DUSP8: variants seen among roughly 807,000 people sequenced by gnomAD.
The protein encoded by DUSP8 is dual specificity protein phosphatase 8.
A neutral mutation model predicts 38.7 loss-of-function variants in DUSP8; 15 were observed. That is an observed-to-expected ratio of 0.39 (90% confidence interval 0.26 to 0.60). The LOEUF (loss-of-function observed/expected upper bound fraction) is 0.60, where lower values mean the gene tolerates loss of function less well. DUSP8 is among the 20% of genes least tolerant of loss of function. The pLI, the probability that DUSP8 is intolerant of heterozygous loss-of-function variation, is 0.56. For missense variants in DUSP8, 768 were observed against 915.0 expected, an observed-to-expected ratio of 0.84 and a Z score of 2.07; for synonymous variants, 458 against 433.9, an observed-to-expected ratio of 1.06 and a Z score of -0.69.
At chr11:1,559,432 G>T in intron 3 of DUSP8, 1 of 270,302 alleles carries the variant, frequency 3.7e-6, no homozygotes, top group Non-Finnish European at 7.0e-6. Context: ...CTGAGGGTGT[G>T]TGTCACACAG....
chr11:1,558,999 C>A lies in DUSP8; in HGVS notation c.427G>T (p.Ala143Ser). The A allele has an allele frequency of 1.9e-6, 3 of 1,610,782 alleles. No homozygotes were observed. The highest frequency in any genetic ancestry group is 2.5e-6 in the Non-Finnish European group (3 of 1,179,364). ...TGGGAGAGGCTCATGGGTAGCAGGGCAGCAGGCTTGCCCTCGCAGAGGCCG... is the reference window on the plus strand; with the variant it reads ...TGGGAGAGGCTCATGGGTAGCAGGGAAGCAGGCTTGCCCTCGCAGAGGCCG... ...FPGLCEGKPA[A>S]LLPMSLSQPC... Residue 143 changes from alanine to serine, a missense_variant, in exon 4 of 7, where the codon GCC becomes TCC. Transcript: ENST00000397374. This position sits in a 1 kb window ranked among gnomAD's most constrained non-coding sequence, Gnocchi z 6.3.
chr11:1,569,162 G>A (rs536989408), intron 1 of DUSP8, among the ~76,000 whole-genome samples: 1 of 152,144 alleles, frequency 6.6e-6, no homozygotes, highest in Admixed American at 6.5e-5. Context: ...CTAGGGGTTG[G>A]GGGGTGAGAG....
rs1435220613 is a variant in DUSP8, at chr11:1,558,320, C to T, written c.538-49G>A. The T allele has an allele frequency of 3.9e-5, 12 of 307,026 alleles. No homozygotes were observed. The highest frequency in any genetic ancestry group is 9.2e-5 in the East Asian group (1 of 10,902). 19.0% of individuals were successfully genotyped at this position (307,026 alleles called of 1,614,324 possible). Reference sequence around the variant, plus strand: ...GGAAAGGGGTGGGAGAAGCTCGGGGCGGGAGTGAAGGTGGAGGCTTTTCCT... The same window carrying T: ...GGAAAGGGGTGGGAGAAGCTCGGGGTGGGAGTGAAGGTGGAGGCTTTTCCT... On this transcript the variant is annotated intron_variant, in intron 4 of 6. Transcript: ENST00000397374. The surrounding 1 kb of genome is among the most constrained non-coding windows in gnomAD (Gnocchi z 6.3).
chr11:1,559,248 T>G (rs1848682753), intron 3 of DUSP8, 193 bp from the exon 4 acceptor site: 1 of 546,556 alleles, frequency 1.8e-6, no homozygotes, highest in Non-Finnish European at 3.1e-6. Flanking sequence ...GAGGGGGTAC[T>G]GCCACACATT....
At position 1,557,993 on chromosome 11, in the gene DUSP8, A is replaced by C. The variant is rs1590801174; in HGVS notation, c.698-76T>G. The stretch of plus-strand genomic sequence containing the variant: ...CTCCCTGGCCCAGGTAGGGGACCCC[A>C]CCCGCCCAACTGCCAACAGTTCCGG... On this transcript the variant is annotated intron_variant, in intron 5 of 6. Coordinates refer to ENST00000397374, the MANE Select transcript of DUSP8 (RefSeq NM_004420.3). The surrounding 1 kb of genome is among the most constrained non-coding windows in gnomAD (Gnocchi z 9.9). 2 of 1,610,178 alleles carry C rather than the reference A, an allele frequency of 1.2e-6. No homozygotes were observed. Among genetic ancestry groups the C allele is most frequent in the Middle Eastern group, 3.5e-4 (2 of 5,726 alleles).
chr11:1,567,406 G>A (rs987263225), intron 1 of DUSP8, among the ~76,000 whole-genome samples: 4 of 152,220 alleles, frequency 2.6e-5, no homozygotes, highest in Non-Finnish European at 2.9e-5. Context: ...CCAGGCCGGC[G>A]GGGGCCAGTG....
At position 1,557,116 on chromosome 11, in the gene DUSP8, C is replaced by T; in HGVS notation, c.1280G>A (p.Ser427Asn). 1 of 1,388,068 alleles carries T rather than the reference C, an allele frequency of 7.2e-7. No homozygotes were observed. 86.0% of individuals were successfully genotyped at this position (1,388,068 alleles called of 1,614,324 possible). ...CAGGCCCAGCGCGGCCCCCGACGGG[C>T]TGTCCAGCTTGCAGAGCTTCGGGGC... The part of the protein sequence containing the change: ...GEAPKLCKLD[S>N]PSGAALGLSS... Residue 427 changes from serine (S) to asparagine (N), a missense_variant, in exon 7 of 7, where the codon AGC becomes AAC. Coordinates refer to ENST00000397374, the MANE Select transcript of DUSP8 (RefSeq NM_004420.3). This position sits in a 1 kb window ranked among gnomAD's most constrained non-coding sequence, Gnocchi z 9.9.
At chr11:1,569,807 C>T (rs1381318719) in intron 1 of DUSP8, among the ~76,000 whole-genome samples, 1 of 152,212 alleles carries the variant, frequency 6.6e-6, no homozygotes, top group Admixed American at 6.5e-5. Context: ...CTGTGTCTCC[C>T]CCTCACACCT....
chr11:1,564,404 C>T (rs889738582), intron 2 of DUSP8, among the ~76,000 whole-genome samples: 11 of 152,186 alleles, frequency 7.2e-5, no homozygotes, highest in African/African-American at 2.7e-4. Context: ...CGCATGCCTT[C>T]GGGTGTGGGC....
upstream of DUSP8, among the ~76,000 whole-genome samples, chr11:1,572,471 C>T (rs1848922783): frequency 1.3e-5 from 2 of 151,344 alleles, no homozygotes; most frequent in South Asian, 4.2e-4. The surrounding 1 kb of genome is among the most constrained non-coding windows in gnomAD (Gnocchi z 4.7). Context: ...GTCGCGCCGC[C>T]GCCGCCTTCC....
At chr11:1,569,621 G>T (rs928423488) in intron 1 of DUSP8, among the ~76,000 whole-genome samples, 1 of 152,080 alleles carries the variant, frequency 6.6e-6, no homozygotes, top group Non-Finnish European at 1.5e-5. Flanking sequence ...CACACCCAGC[G>T]TCTCTGTGCA....
At position 1,557,283 on chromosome 11, in the gene DUSP8, C is replaced by G; in HGVS notation, c.1113G>C (p.Gln371His). 6.8e-7 allele frequency: 1 copy of G among 1,477,070 alleles called. No homozygotes were observed. Among genetic ancestry groups the G allele is most frequent in the Non-Finnish European group, 8.9e-7 (1 of 1,120,844 alleles). The allele number at this position is 1,477,070 out of a possible 1,614,324, so 91.5% of individuals were successfully genotyped here. The change falls in exon 7 of 7, where the codon CAG becomes CAC. Residue 371 changes from glutamine (Q) to histidine (H), a missense_variant. Physicochemically the swap from Gln to His is conservative, Grantham distance 24. This residue lies in a region of DUSP8 where 474 missense variants were observed against 430.8 expected (regional missense o/e 1.10). Transcript: ENST00000397374. This position sits in a 1 kb window ranked among gnomAD's most constrained non-coding sequence, Gnocchi z 9.9. The stretch of plus-strand genomic sequence containing the variant: ...AGAGGTGCAGGCCGCGCAGGCCCTG[C>G]TGCAGTGCGCTGGTCGCCGGGGGCG... ...PPTPPATSAL[Q>H]QGLRGLHLSS...
Position 1,565,848 on chromosome 11 carries a change from G to A in DUSP8, c.-22C>T. 1.3e-6 allele frequency: 2 copies of A among 1,593,238 alleles called. No individual in the cohort carries two copies. Among genetic ancestry groups the A allele is most frequent in the Non-Finnish European group, 1.7e-6 (2 of 1,164,954 alleles). The stretch of plus-strand genomic sequence containing the variant: ...CCATGGTGGGGCAATGGGTGCTGGG[G>A]AGGGTGACCCCTGAAGTGAGGAGGG... On this transcript the variant is annotated 5_prime_UTR_variant, in exon 2 of 7. Coordinates refer to ENST00000397374, the MANE Select transcript of DUSP8 (RefSeq NM_004420.3).
Position 1,555,172 on chromosome 11 carries a change from G to C in DUSP8, c.*1346C>G. ...GGTCCCAATGGCCCGAGGGGGTATG[G>C]GGCAGGGGCAGCAGGCTGACCCACC... On this transcript the variant is annotated 3_prime_UTR_variant, in exon 7 of 7. Transcript: ENST00000397374. The C allele has an allele frequency of 2.0e-6, 2 of 987,958 alleles. No individual in the cohort carries two copies. Among genetic ancestry groups the C allele is most frequent in the South Asian group, 4.7e-5 (1 of 21,374 alleles). 61.2% of individuals were successfully genotyped at this position (987,958 alleles called of 1,614,324 possible).
At chr11:1,568,565 C>T (rs927279830) in intron 1 of DUSP8, among the ~76,000 whole-genome samples, 6 of 152,174 alleles carry the variant, frequency 3.9e-5, no homozygotes, top group East Asian at 1.9e-4. Flanking sequence ...GCTGCTCCTG[C>T]GGCAGCCACC....
Position 1,572,176 on chromosome 11 carries a change from CGGCTCGGGCTCGGGCTCGGGCTCG to C in DUSP8, c.-408_-385del, listed in dbSNP as rs933678425. On this transcript the variant is annotated 5_prime_UTR_variant, in exon 1 of 7. Coordinates refer to ENST00000397374, the MANE Select transcript of DUSP8 (RefSeq NM_004420.3). The surrounding 1 kb of genome is among the most constrained non-coding windows in gnomAD (Gnocchi z 4.7). Reference sequence around the variant, plus strand: ...CGGGCGCGGCCGGGAGGTTCCGGCGCGGCTCGGGCTCGGGCTCGGGCTCGGGCTCGGGCGTCCGGCGTCCGGCGG... The same window carrying C: ...CGGGCGCGGCCGGGAGGTTCCGGCGCGGCTCGGGCGTCCGGCGTCCGGCGG... 1.1e-4 allele frequency among the ~76,000 whole-genome samples: 16 copies of C among 145,212 alleles called. No individual in the cohort carries two copies. Among genetic ancestry groups the C allele is most frequent in the Non-Finnish European group, 2.4e-4 (16 of 65,534 alleles).
At position 1,556,510 on chromosome 11, in the gene DUSP8, C is replaced by T. The variant is rs1423676418; in HGVS notation, c.*8G>A. On this transcript the variant is annotated 3_prime_UTR_variant, in exon 7 of 7. Transcript: ENST00000397374. This position sits in a 1 kb window ranked among gnomAD's most constrained non-coding sequence, Gnocchi z 5.2. Reference sequence around the variant, plus strand: ...CTGCGGGCGGCGGGGCCGAGGGCAGCGGAGGGGTCAGGACACCTCGATGAC... The same window carrying T: ...CTGCGGGCGGCGGGGCCGAGGGCAGTGGAGGGGTCAGGACACCTCGATGAC... The T allele has an allele frequency of 1.3e-5, 16 of 1,237,322 alleles. No individual in the cohort carries two copies. Among genetic ancestry groups the T allele is most frequent in the Non-Finnish European group, 1.6e-5 (16 of 990,036 alleles). 76.6% of individuals were successfully genotyped at this position (1,237,322 alleles called of 1,614,324 possible).
chr11:1,556,711 G>T lies in DUSP8; in HGVS notation c.1685C>A (p.Ala562Glu). Residue 562 changes from alanine (A) to glutamate (E), a missense_variant, in exon 7 of 7, where the codon GCG becomes GAG. By Grantham distance (107) the Ala-to-Glu change is moderately radical. Coordinates refer to ENST00000397374, the MANE Select transcript of DUSP8 (RefSeq NM_004420.3). The surrounding 1 kb of genome is among the most constrained non-coding windows in gnomAD (Gnocchi z 5.2). ...GGSDLRRREAARAEPRDARTG... is the reference protein window; with the variant it reads ...GGSDLRRREAERAEPRDARTG... ...CCGCGCGTCCCGGGGCTCAGCCCTCGCTGCCTCCCGCCGCCGCAGGTCGCT... is the reference window on the plus strand; with the variant it reads ...CCGCGCGTCCCGGGGCTCAGCCCTCTCTGCCTCCCGCCGCCGCAGGTCGCT... 8.1e-7 allele frequency: 1 copy of T among 1,240,630 alleles called. No homozygotes were observed. Among genetic ancestry groups the T allele is most frequent in the Non-Finnish European group, 1.0e-6 (1 of 992,588 alleles). 76.9% of individuals were successfully genotyped at this position (1,240,630 alleles called of 1,614,324 possible).
chr11:1,559,842 C>T (rs1848691171), intron 3 of DUSP8, among the ~76,000 whole-genome samples: 1 of 152,234 alleles, frequency 6.6e-6, no homozygotes, highest in Non-Finnish European at 1.5e-5. Context: ...AGGAAGTCCC[C>T]TGCCCTGCAC....
Sources: gnomAD v4.1 joint callset for allele counts (sites outside exome capture counted in the v4.1 genomes callset) on GRCh38, gnomAD v4.1.1 for gene constraint, gnomAD v4.1.1 regional missense constraint, Gnocchi (gnomAD v3.1) non-coding constraint, MANE v1.5 for transcripts, NCBI Gene and HGNC (gene_info 2026-07-23, HGNC 2026-07-21) for gene names.